AHNAK: variants seen among roughly 807,000 people sequenced by gnomAD.
AHNAK encodes AHNAK nucleoprotein, also known as neuroblast differentiation-associated protein AHNAK.
In AHNAK, 23 loss-of-function variants were observed where a neutral mutation model predicts 37.8. That is an observed-to-expected ratio of 0.61 (90% CI 0.44 to 0.86). The LOEUF (loss-of-function observed/expected upper bound fraction) is 0.86, where lower values mean the gene tolerates loss of function less well. AHNAK is among the 40% of genes least tolerant of loss of function. The pLI is 0.00. For missense variants in AHNAK, 7,411 were observed against 7,319.4 expected, an observed-to-expected ratio of 1.01 and a Z score of -0.46; for synonymous variants, 2,481 against 2,636.3, an observed-to-expected ratio of 0.94 and a Z score of 1.80.
chr11:62,530,073 A>G lies in AHNAK; in HGVS notation c.4344T>C (p.Pro1448=). 6.2e-7 allele frequency: 1 copy of G among 1,613,816 alleles called. No individual in the cohort carries two copies. Reference sequence around the variant, plus strand: ...CAACATCTGGTATGGATATCTTCTGAGGCTTTATACTCATTTCTGGCATCT... The same window carrying G: ...CAACATCTGGTATGGATATCTTCTGGGGCTTTATACTCATTTCTGGCATCT... ...KFKMPEMSIK[P]QKISIPDVGL... Residue 1448 remains proline, a synonymous_variant, in exon 5 of 5, where the codon CCT becomes CCC. Transcript: ENST00000378024.
chr11:62,507,314 T>C (rs191273355), intron 4 of AHNAK, among the ~76,000 whole-genome samples: 1 of 152,322 alleles, frequency 6.6e-6, no homozygotes, highest in Non-Finnish European at 1.5e-5. Flanking sequence ...CCACCTCATG[T>C]GGTTGTTGTG....
Position 62,520,272 on chromosome 11 carries a change from G to A in AHNAK, c.14145C>T (p.Ser4715=), listed in dbSNP as rs2134199027. The change falls in exon 5 of 5, where the codon AGC becomes AGT. Residue 4715 remains serine (S), a synonymous_variant. Transcript: ENST00000378024. ...GCATGGAGATCTTGGGGGCTTTGAT[G>A]CTCATCTCAGGCATCTTGAACTTGG... ...KGPKFKMPEM[S]IKAPKISMPD... The A allele has an allele frequency of 3.1e-6, 5 of 1,607,794 alleles. No homozygotes were observed. The highest frequency in any genetic ancestry group is 4.2e-6 in the Non-Finnish European group (5 of 1,178,074).
At position 62,525,301 on chromosome 11, in the gene AHNAK, C is replaced by A. The variant is rs756727737; in HGVS notation, c.9116G>T (p.Gly3039Val). Residue 3039 changes from glycine to valine, a missense_variant, in exon 5 of 5, where the codon GGC (glycine) becomes GTC (valine). By Grantham distance (109) the Gly-to-Val change is moderately radical. Transcript: ENST00000378024. ...KFSMPGFKGE[G>V]PDVDVNLPKA... ...GGGCAGGTTCACATCCACATCTGGG[C>A]CCTCTCCTTTGAAGCCAGGCATGCT... is the stretch of plus-strand genomic sequence containing the variant. 6.2e-7 allele frequency: 1 copy of A among 1,613,052 alleles called. No homozygotes were observed. The highest frequency in any genetic ancestry group is 1.7e-5 in the Admixed American group (1 of 59,890).
In AHNAK at chr11:62,526,575, G is replaced by T; in HGVS notation, c.7842C>A (p.Asp2614Glu). 1 of 1,613,134 alleles carries T rather than the reference G, an allele frequency of 6.2e-7. No homozygotes were observed. Among genetic ancestry groups the T allele is most frequent in the South Asian group, 1.1e-5 (1 of 91,032 alleles). ...TAATATCCACTTTGGGCCCCTTGAT[G>T]TCAACTTCGGGGCCCTTGAGGTCAC... ...VEGDLKGPEV[D>E]IKGPKVDINA... Residue 2614 changes from aspartate to glutamate, a missense_variant, in exon 5 of 5, where the codon GAC (aspartate) becomes GAA (glutamate). Coordinates refer to ENST00000378024, the MANE Select transcript of AHNAK (RefSeq NM_001620.3).
At chr11:62,546,576 C>G (rs952368341) in intron 1 of AHNAK, 84 bp downstream of exon 1, 1 of 152,296 alleles carries the variant, frequency 6.6e-6, no homozygotes, top group East Asian at 1.9e-4. Flanking sequence ...ACGCGCCCTG[C>G]CGGAGCACCG....
chr11:62,520,585 A>C lies in AHNAK; in HGVS notation c.13832T>G (p.Met4611Arg). ...TTCCACTTTGGGCAGAGAAATGTCC[A>C]TGTCGCCCTTCACCTTTGGACCTTT... ...NLKGPKVKGD[M>R]DISLPKVEGD... The change falls in exon 5 of 5, where the codon ATG becomes AGG. Residue 4611 changes from methionine (M) to arginine (R), a missense_variant. Transcript: ENST00000378024. 1 of 1,614,156 alleles carries C rather than the reference A, an allele frequency of 6.2e-7. No homozygotes were observed. Among genetic ancestry groups the C allele is most frequent in the South Asian group, 1.1e-5 (1 of 91,082 alleles).
chr11:62,504,367 C>T (rs561791333), intron 4 of AHNAK, among the ~76,000 whole-genome samples: 2 of 152,176 alleles, frequency 1.3e-5, no homozygotes, highest in East Asian at 3.9e-4. Context: ...GCTCCTCCCT[C>T]CTGCAGCTAA....
At chr11:62,460,514 G>A (rs138540770) in intron 5 of AHNAK, among the ~76,000 whole-genome samples, 12 of 152,210 alleles carry the variant, frequency 7.9e-5, no homozygotes, top group Admixed American at 6.5e-4. Context: ...GGGCGGCTGG[G>A]GTGACCTTCA....
intron 5 of AHNAK, among the ~76,000 whole-genome samples, chr11:62,454,928 TTA>T (rs1315833111): frequency 2.6e-4 from 18 of 69,226 alleles, no homozygotes; most frequent in Non-Finnish European, 3.7e-4. Flanking sequence ...TTTTATTTAT[TTA>T]TTTTTTTTTT....
At chr11:62,491,466 A>G (rs1939503395) in intron 5 of AHNAK, among the ~76,000 whole-genome samples, 1 of 152,150 alleles carries the variant, frequency 6.6e-6, no homozygotes, top group Non-Finnish European at 1.5e-5. Context: ...AGCCCTCCCT[A>G]TGAAGAAACG....
Position 62,524,207 on chromosome 11 carries a change from T to C in AHNAK, c.10210A>G (p.Lys3404Glu), listed in dbSNP as rs751388010. The change falls in exon 5 of 5, where the codon AAA becomes GAA. Residue 3404 changes from lysine to glutamate, a missense_variant. Physicochemically the swap from Lys to Glu is moderately conservative, Grantham distance 56. Coordinates refer to ENST00000378024, the MANE Select transcript of AHNAK (RefSeq NM_001620.3). ...GATGAAATACTCAGGAAAGGCATTT[T>C]AAACTTGGATCCTTTCACTTTTCCT... ...VQGKVKGSKFKMPFLSISSPK... is the reference protein window; with the variant it reads ...VQGKVKGSKFEMPFLSISSPK... 32 of 1,613,072 alleles carry C rather than the reference T, an allele frequency of 2.0e-5. 1 individual carries two copies. The highest frequency in any genetic ancestry group is 2.5e-5 in the Non-Finnish European group (30 of 1,179,768).
chr11:62,479,509 G>A (rs1426298171), intron 5 of AHNAK, among the ~76,000 whole-genome samples: 1 of 151,682 alleles, frequency 6.6e-6, no homozygotes, highest in Admixed American at 6.6e-5. Context: ...GTAGTTTGGG[G>A]TCTGCGAAGT....
Position 62,529,690 on chromosome 11 carries a change from G to C in AHNAK, c.4727C>G (p.Thr1576Arg), listed in dbSNP as rs75855515. Residue 1576 changes from threonine to arginine, a missense_variant, in exon 5 of 5, where the codon ACG (threonine) becomes AGG (arginine). By Grantham distance (71) the Thr-to-Arg change is moderately conservative (BLOSUM62 -1). Transcript: ENST00000378024. ...AACATCAGGCATAGAGATTTTGTGC[G>C]TCTGTATATTCATGCTTGGCATCTT... ...KFKMPSMNIQ[T>R]HKISMPDVGL... 1.9e-6 allele frequency: 3 copies of C among 1,613,852 alleles called. No homozygotes were observed. The highest frequency in any genetic ancestry group is 2.5e-6 in the Non-Finnish European group (3 of 1,180,004).
chr11:62,489,115 C>A (rs1485560327), intron 5 of AHNAK, among the ~76,000 whole-genome samples: 1 of 151,956 alleles, frequency 6.6e-6, no homozygotes, highest in Non-Finnish European at 1.5e-5. Context: ...GTGGTGCATG[C>A]CTGTAATCCC....
chr11:62,521,419 C>T lies in AHNAK; in HGVS notation c.12998G>A (p.Gly4333Asp). 6.2e-7 allele frequency: 1 copy of T among 1,613,834 alleles called. No individual in the cohort carries two copies. Among genetic ancestry groups the T allele is most frequent in the Non-Finnish European group, 8.5e-7 (1 of 1,179,994 alleles). The change falls in exon 5 of 5, where the codon GGC becomes GAC. Residue 4333 changes from glycine to aspartate, a missense_variant. Physicochemically the swap from Gly to Asp is moderately conservative, Grantham distance 94 (BLOSUM62 -1). Transcript: ENST00000378024. The stretch of plus-strand genomic sequence containing the variant: ...AGGAAGGGTAACATCCACATCTGGG[C>T]CCTCTCCTTTGAATCCTGGCATGCT... The part of the protein sequence containing the change: ...KFSMPGFKGE[G>D]PDVDVTLPKA...
chr11:62,443,106 G>C (rs1938346378), intron 5 of AHNAK, among the ~76,000 whole-genome samples: 1 of 150,820 alleles, frequency 6.6e-6, no homozygotes. Context: ...CAAGTAGCTG[G>C]GACTACAGGC....
rs557788418 is a variant in AHNAK, at chr11:62,518,900, T to C, written c.15517A>G (p.Ile5173Val). The part of the protein sequence containing the change: ...KVQANLGAPD[I>V]NIEGLDAKVK... ...TTAGCATCTAGGCCTTCGATGTTGATGTCAGGTGCACCCAAGTTTGCCTGC... is the reference window on the plus strand; with the variant it reads ...TTAGCATCTAGGCCTTCGATGTTGACGTCAGGTGCACCCAAGTTTGCCTGC... Residue 5173 changes from isoleucine to valine, a missense_variant, in exon 5 of 5, where the codon ATC becomes GTC. Ile to Val is a conservative substitution (Grantham distance 29). Coordinates refer to ENST00000378024, the MANE Select transcript of AHNAK (RefSeq NM_001620.3). 1 of 1,614,248 alleles carries C rather than the reference T, an allele frequency of 6.2e-7. No homozygotes were observed. Among genetic ancestry groups the C allele is most frequent in the African/African-American group, 1.3e-5 (1 of 75,064 alleles).
chr11:62,508,665 C>T (rs946778150), intron 4 of AHNAK, among the ~76,000 whole-genome samples: 4 of 152,252 alleles, frequency 2.6e-5, no homozygotes, highest in African/African-American at 4.8e-5. Context: ...CCCATGGCAG[C>T]GCCTCTGCTG....
At chr11:62,446,900 A>G (rs1938431798) in intron 5 of AHNAK, among the ~76,000 whole-genome samples, 2 of 151,826 alleles carry the variant, frequency 1.3e-5, no homozygotes, top group South Asian at 4.2e-4. Flanking sequence ...AGATCTCCCT[A>G]TGTCTGCCTC....
Sources: allele counts gnomAD v4.1 joint callset (sites outside exome capture counted in the v4.1 genomes callset), GRCh38; gene constraint gnomAD v4.1.1; transcripts MANE v1.5; gene names NCBI Gene and HGNC (gene_info 2026-07-23, HGNC 2026-07-21).